Variants in COX7B2 observed in about 807,000 individuals in gnomAD.
COX7B2 encodes the protein cytochrome c oxidase subunit 7B2, mitochondrial.
For missense variants in COX7B2, 109 were observed against 95.9 expected, an observed-to-expected ratio of 1.14 and a Z score of -0.57; for synonymous variants, 37 against 32.1, an observed-to-expected ratio of 1.15 and a Z score of -0.51.
chr4:46,837,689 CATAAAAA>C (rs958747687), intron 2 of COX7B2, among the ~76,000 whole-genome samples: 33 of 151,928 alleles, frequency 2.2e-4, no homozygotes, highest in African/African-American at 7.0e-4. Flanking sequence ...TATTTTTCTA[CATAAAAA>C]ATAAAAATAA....
intron 2 of COX7B2, among the ~76,000 whole-genome samples, chr4:46,766,714 A>G (rs915688973): frequency 2.0e-5 from 3 of 151,628 alleles, no homozygotes; most frequent in Non-Finnish European, 4.4e-5. Flanking sequence ...AAGAAAAAAA[A>G]AAAAAAAAAG....
chr4:46,842,866 G>A (rs1560415038), intron 2 of COX7B2, among the ~76,000 whole-genome samples: 1 of 152,070 alleles, frequency 6.6e-6, no homozygotes, highest in Non-Finnish European at 1.5e-5. Context: ...AAACATACGT[G>A]TGCATGTGTC....
At chr4:46,895,181 T>G (rs1719676867) in intron 1 of COX7B2, among the ~76,000 whole-genome samples, 1 of 152,110 alleles carries the variant, frequency 6.6e-6, no homozygotes, top group Non-Finnish European at 1.5e-5. Flanking sequence ...TAAAGACACA[T>G]GTACACCAAT....
intron 2 of COX7B2, among the ~76,000 whole-genome samples, chr4:46,789,108 G>A (rs776551551): frequency 1.6e-4 from 25 of 152,090 alleles, no homozygotes; most frequent in Admixed American, 7.2e-4. Context: ...GTTTAGTTAC[G>A]AAAACTTTAC....
intron 1 of COX7B2, among the ~76,000 whole-genome samples, chr4:46,865,392 CTG>C (rs1026003250): frequency 6.6e-6 from 1 of 152,170 alleles, no homozygotes; most frequent in African/African-American, 2.4e-5. Flanking sequence ...ATCTTTGTAA[CTG>C]TGTATTGTGT....
At chr4:46,902,155 T>G (rs1720105839) in intron 1 of COX7B2, among the ~76,000 whole-genome samples, 1 of 152,168 alleles carries the variant, frequency 6.6e-6, no homozygotes, top group Non-Finnish European at 1.5e-5. Flanking sequence ...CAGCACACAG[T>G]ATGAGGAAAG....
intron 1 of COX7B2, among the ~76,000 whole-genome samples, chr4:46,899,421 T>C (rs1227995740): frequency 6.6e-6 from 1 of 152,146 alleles, no homozygotes; most frequent in Non-Finnish European, 1.5e-5. Context: ...AGAGAATAGA[T>C]TCAGTCTCAA....
rs546123159 is a variant in COX7B2 at position 46,757,469 on chromosome 4, A to AT, written c.-49-22229dup. On this transcript the variant is annotated intron_variant, in intron 2 of 2. Transcript: ENST00000355591. Reference sequence around the variant, plus strand: ...CCCCTTAAATTTACTACAATAAGTTATTTTTTTAAAAACTCACTTGTCACT... The same window carrying AT: ...CCCCTTAAATTTACTACAATAAGTTATTTTTTTTAAAAACTCACTTGTCACT... 4.0e-3 allele frequency among the ~76,000 whole-genome samples: 603 copies of AT among 152,222 alleles called. 4 individuals carry two copies. The South Asian group carries it at 0.043, about 11-fold the overall frequency.
chr4:46,860,036 T>C (rs1469064389), intron 1 of COX7B2, among the ~76,000 whole-genome samples: 1 of 152,144 alleles, frequency 6.6e-6, no homozygotes, highest in Non-Finnish European at 1.5e-5. Context: ...CCATGAATAC[T>C]CCCTGGATGA....
At chr4:46,837,274 TACACACACACACACACACAC>T (rs33927124) in intron 2 of COX7B2, among the ~76,000 whole-genome samples, 1 of 133,258 alleles carries the variant, frequency 7.5e-6, no homozygotes, top group Non-Finnish European at 1.7e-5. Flanking sequence ...CACAAAGACA[TACACACACACACACACACAC>T]ACACACACAC....
chr4:46,737,875 G>A (rs893502398), intron 2 of COX7B2, among the ~76,000 whole-genome samples: 13 of 152,166 alleles, frequency 8.5e-5, no homozygotes, highest in African/African-American at 2.9e-4. Context: ...AAGACCCCAA[G>A]GTTCTCTTTT....
At position 46,848,310 on chromosome 4, in the gene COX7B2, C is replaced by G. The variant is rs534884565; in HGVS notation, c.-104-3296G>C. Among the ~76,000 whole-genome samples the G allele has an allele frequency of 1.9e-4, 29 of 152,084 alleles. 1 individual carries two copies. The highest frequency in any genetic ancestry group is 6.3e-4 in the African/African-American group (26 of 41,524). Reference sequence around the variant, plus strand: ...AAACTTTTCATTGTTATAAGACATGCTTGGATTGGCTTTTAATTTATTTTT... The same window carrying G: ...AAACTTTTCATTGTTATAAGACATGGTTGGATTGGCTTTTAATTTATTTTT... On this transcript the variant is annotated intron_variant, in intron 1 of 2. Transcript: ENST00000355591.
rs574452261 is a variant in COX7B2 at position 46,818,714 on chromosome 4, T to C, written c.-50+26246A>G. Among the ~76,000 whole-genome samples, 5 of 152,090 alleles carry C rather than the reference T, an allele frequency of 3.3e-5. No homozygotes were observed. The East Asian group carries it at 5.8e-4, about 18-fold the overall frequency. The stretch of plus-strand genomic sequence containing the variant: ...TCATTGTAATGGAAAAACAAGTAAG[T>C]ACACAAAAATTTTGTCATTATTATG... On this transcript the variant is annotated intron_variant, in intron 2 of 2. Transcript: ENST00000355591.
At chr4:46,771,367 C>T (rs1253448932) in intron 2 of COX7B2, among the ~76,000 whole-genome samples, 2 of 151,952 alleles carry the variant, frequency 1.3e-5, no homozygotes, top group African/African-American at 4.8e-5. Context: ...GGTTGGTGGA[C>T]ATGTAAGTTG....
chr4:46,883,305 G>A (rs1266924281), intron 1 of COX7B2, among the ~76,000 whole-genome samples: 1 of 151,604 alleles, frequency 6.6e-6, no homozygotes, highest in Non-Finnish European at 1.5e-5. Context: ...TGGTATTTTG[G>A]TAGAAGTCAT....
chr4:46,891,539 T>C (rs1165478962), intron 1 of COX7B2, among the ~76,000 whole-genome samples: 2 of 152,210 alleles, frequency 1.3e-5, no homozygotes, highest in African/African-American at 2.4e-5. Context: ...CTTTGAATAA[T>C]ACTTCTTAAA....
At chr4:46,881,075 A>T (rs528839212) in intron 1 of COX7B2, among the ~76,000 whole-genome samples, 60 of 151,320 alleles carry the variant, frequency 4.0e-4, no homozygotes, top group Non-Finnish European at 6.6e-4. Flanking sequence ...ATTCAGCTCT[A>T]ATTTTTGTTA....
intron 2 of COX7B2, among the ~76,000 whole-genome samples, chr4:46,776,310 C>T (rs527237325): frequency 3.9e-5 from 6 of 152,040 alleles, no homozygotes; most frequent in African/African-American, 1.4e-4. Context: ...TTGTTTTTAA[C>T]CATTTCCTGT....
intron 2 of COX7B2, among the ~76,000 whole-genome samples, chr4:46,791,572 A>T (rs1322381488): frequency 1.3e-5 from 2 of 152,250 alleles, no homozygotes; most frequent in Non-Finnish European, 2.9e-5. Flanking sequence ...AAAAGTGACC[A>T]GGAACCTCCA....
Sources: gnomAD v4.1 joint callset for allele counts (sites outside exome capture counted in the v4.1 genomes callset) on GRCh38, gnomAD v4.1.1 for gene constraint, MANE v1.5 for transcripts, NCBI Gene and HGNC (gene_info 2026-07-23, HGNC 2026-07-21) for gene names.